The following DHRSX variants were observed in gnomAD, a reference collection of about 807,000 sequenced individuals.
DHRSX encodes polyprenol dehydrogenase.
In DHRSX, 31 loss-of-function variants were observed where a neutral mutation model predicts 34.0. The ratio of observed to expected loss-of-function variants is 0.91; its 90% CI spans 0.69 to 1.23. DHRSX has a LOEUF of 1.23. Among genes scored for constraint, DHRSX ranks in the 50% most tolerant of loss-of-function variants. The probability of loss-of-function intolerance (pLI) is 0.00; values close to 1 mark genes in which losing one functional copy is unlikely to be tolerated. For synonymous variants in DHRSX, 201 were observed against 183.8 expected (o/e 1.09, Z -0.76); for missense variants, 414 against 428.1 (o/e 0.97, Z 0.29).
In DHRSX at chrX:2,298,812, C is replaced by T. The variant is rs145071123; in HGVS notation, c.287-7209G>A. Among the ~76,000 whole-genome samples the T allele has an allele frequency of 1.4e-3, 207 of 151,876 alleles. 4 individuals carry two copies. In the East Asian group the frequency reaches 0.034, roughly 25 times the overall value. ...ACCAGCCTGGCCAACATGGAGAAACCCCGTCTCTACTAAAAATACAAAATT... is the reference window on the plus strand; with the variant it reads ...ACCAGCCTGGCCAACATGGAGAAACTCCGTCTCTACTAAAAATACAAAATT... On this transcript the variant is annotated intron_variant, in intron 3 of 6. Coordinates refer to ENST00000334651, the MANE Select transcript of DHRSX (RefSeq NM_145177.3).
intron 1 of DHRSX, chrX:2,486,624 T>C (rs2044938982): frequency 6.6e-6 from 1 of 152,176 alleles, no homozygotes; most frequent in African/African-American, 2.4e-5. Flanking sequence ...TGCTACAGAA[T>C]GGAGCCCACG....
In DHRSX at chrX:2,371,689, C is replaced by CAG. The variant is rs1330801180; in HGVS notation, c.286+37055_286+37056insCT. Reference sequence around the variant, plus strand: ...ATAGTCCCTCCTCCTCCCATTATCACCGCCCCTCCTCCTCCCATTATCACA... The same window carrying CAG: ...ATAGTCCCTCCTCCTCCCATTATCACAGCGCCCCTCCTCCTCCCATTATCACA... On this transcript the variant is annotated intron_variant, in intron 3 of 6. Coordinates refer to ENST00000334651, the MANE Select transcript of DHRSX (RefSeq NM_145177.3). 4.7e-3 allele frequency among the ~76,000 whole-genome samples: 350 copies of CAG among 74,194 alleles called. 17 individuals are homozygous for CAG. Among genetic ancestry groups the CAG allele is most frequent in the East Asian group, 0.019 (69 of 3,722 alleles). The allele number at this position is 74,194 out of a possible 152,430, so 48.7% of individuals were successfully genotyped here.
intron 1 of DHRSX, among the ~76,000 whole-genome samples, chrX:2,470,636 G>C (rs28419259): frequency 0.092 from 14,000 of 152,028 alleles, 760 homozygotes; most frequent in East Asian, 0.21. Context: ...TGAGCCATGA[G>C]TTGGAGGCTG....
chrX:2,408,216 C>T (rs745962001), intron 3 of DHRSX, among the ~76,000 whole-genome samples: 1 of 151,996 alleles, frequency 6.6e-6, no homozygotes, highest in African/African-American at 2.4e-5. Context: ...ATTGGGATTA[C>T]AGGCACATGC....
At chrX:2,468,911 C>A (rs1420159563) in intron 1 of DHRSX, among the ~76,000 whole-genome samples, 8 of 151,200 alleles carry the variant, frequency 5.3e-5, no homozygotes, top group African/African-American at 1.7e-4. Context: ...CAAGTGACCG[C>A]TGCCGTTGCA....
chrX:2,294,131 G>A (rs1408367608), intron 3 of DHRSX, among the ~76,000 whole-genome samples: 7 of 151,886 alleles, frequency 4.6e-5, no homozygotes, highest in African/African-American at 1.2e-4. Context: ...AGGAAAAGGG[G>A]AAGAGAGAAA....
chrX:2,383,296 C>G (rs1243961173), intron 3 of DHRSX, among the ~76,000 whole-genome samples: 1 of 151,752 alleles, frequency 6.6e-6, no homozygotes, highest in Non-Finnish European at 1.5e-5. Flanking sequence ...TCATCACTAT[C>G]ATCACCATCA....
intron 6 of DHRSX, among the ~76,000 whole-genome samples, chrX:2,242,120 TC>T (rs1370026813): frequency 2.6e-5 from 4 of 152,048 alleles, no homozygotes; most frequent in African/African-American, 9.7e-5. Context: ...TCTGACATTC[TC>T]CTCCATGGAT....
rs553270138 is a variant in DHRSX at position 2,303,618 on chromosome X, A to G, written c.287-12015T>C. Among the ~76,000 whole-genome samples the G allele has an allele frequency of 9.1e-4, 138 of 152,222 alleles. 1 individual carries two copies. Among genetic ancestry groups the G allele is most frequent in the African/African-American group, 3.2e-3 (132 of 41,524 alleles). ...AACCTCTTTTCTTTATAAATCATCC[A>G]ATCTCAGGTACTTCTTTATAGCAAT... On this transcript the variant is annotated intron_variant, in intron 3 of 6. Coordinates refer to ENST00000334651, the MANE Select transcript of DHRSX (RefSeq NM_145177.3).
chrX:2,329,192 T>C (rs1159205504), intron 3 of DHRSX, among the ~76,000 whole-genome samples: 1 of 152,166 alleles, frequency 6.6e-6, no homozygotes, highest in East Asian at 1.9e-4. Context: ...ACCTAAGTAA[T>C]GCCTGGTGGT....
intron 3 of DHRSX, among the ~76,000 whole-genome samples, chrX:2,324,716 C>T (rs2042355795): frequency 2.0e-5 from 3 of 151,458 alleles, no homozygotes; most frequent in African/African-American, 7.3e-5. Context: ...AAGAAGAAAT[C>T]ACTTAGGCAG....
chrX:2,476,676 T>G (rs1437568103), intron 1 of DHRSX, among the ~76,000 whole-genome samples: 1 of 152,096 alleles, frequency 6.6e-6, no homozygotes, highest in Non-Finnish European at 1.5e-5. Flanking sequence ...AAAGGTGGTG[T>G]ACATACACCA....
intron 1 of DHRSX, among the ~76,000 whole-genome samples, chrX:2,433,584 G>C (rs1403641217): frequency 6.6e-6 from 1 of 152,002 alleles, no homozygotes; most frequent in African/African-American, 2.4e-5. Flanking sequence ...GTTCTGGTGT[G>C]TGATGTCCCC....
At chrX:2,438,297 C>G (rs1043423197) in intron 1 of DHRSX, among the ~76,000 whole-genome samples, 1 of 103,600 alleles carries the variant, frequency 9.7e-6, no homozygotes, top group African/African-American at 3.7e-5. Flanking sequence ...TTACACATTA[C>G]AGAATGCATA....
intron 1 of DHRSX, among the ~76,000 whole-genome samples, chrX:2,433,079 G>A (rs781512704): frequency 3.9e-5 from 6 of 152,020 alleles, no homozygotes; most frequent in Non-Finnish European, 5.9e-5. Context: ...AGCCAAGATC[G>A]TGCCACTGCA....
chrX:2,275,067 C>T (rs1012855375), intron 4 of DHRSX, among the ~76,000 whole-genome samples: 2 of 152,164 alleles, frequency 1.3e-5, no homozygotes, highest in East Asian at 1.9e-4. Context: ...AGACAATCGA[C>T]GGCAAATTCA....
At chrX:2,460,359 C>G (rs1223777484) in intron 1 of DHRSX, among the ~76,000 whole-genome samples, 2 of 152,082 alleles carry the variant, frequency 1.3e-5, no homozygotes, top group Admixed American at 1.3e-4. Context: ...AATAGCCCAG[C>G]TGGGAAGAAA....
In DHRSX at chrX:2,377,311, C is replaced by A. The variant is rs1226074800; in HGVS notation, c.286+31434G>T. On this transcript the variant is annotated intron_variant, in intron 3 of 6. Coordinates refer to ENST00000334651, the MANE Select transcript of DHRSX (RefSeq NM_145177.3). ...CATTGCCATGTAGACTCAGTGGGAG[C>A]CCCAAACTTGTTTTCCTGCAACTAG... 2.6e-5 allele frequency among the ~76,000 whole-genome samples: 4 copies of A among 151,242 alleles called. No homozygotes were observed. The East Asian group carries it at 7.8e-4, about 29-fold the overall frequency.
At chrX:2,232,233 C>T (rs67839630) in intron 6 of DHRSX, among the ~76,000 whole-genome samples, 122,453 of 151,898 alleles carry the variant, frequency 0.81, 49,694 homozygotes, top group East Asian at 0.95. Flanking sequence ...CACACTACAC[C>T]CTTCTGTTTC....
Sources: gnomAD v4.1 joint callset for allele counts (sites outside exome capture counted in the v4.1 genomes callset) on GRCh38, gnomAD v4.1.1 for gene constraint, MANE v1.5 for transcripts, NCBI Gene and HGNC (gene_info 2026-07-23, HGNC 2026-07-21) for gene names.